The following FOXN3 variants were observed in gnomAD, a reference collection of about 807,000 sequenced individuals.
FOXN3 encodes the protein forkhead box protein N3.
FOXN3 carries 7 observed loss-of-function variants against 38.4 expected under a neutral mutation model. The ratio of observed to expected loss-of-function variants is 0.18; its 90% CI spans 0.10 to 0.34. The LOEUF is 0.34. FOXN3 is among the 10% of genes least tolerant of loss of function. The probability of loss-of-function intolerance (pLI) is 1.00; values close to 1 mark genes in which losing one functional copy is unlikely to be tolerated. For synonymous variants in FOXN3, 230 were observed against 242.2 expected (o/e 0.95, Z 0.47); for missense variants, 456 against 613.4 (o/e 0.74, Z 2.71).
rs912002349 is a variant in FOXN3 at position 89,560,109 on chromosome 14, G to A, written c.-15+58919C>T. Among the ~76,000 whole-genome samples, 30 of 152,140 alleles carry A rather than the reference G, an allele frequency of 2.0e-4. 1 individual carries two copies. The highest frequency in any genetic ancestry group is 1.5e-5 in the Non-Finnish European group (1 of 68,008). The stretch of plus-strand genomic sequence containing the variant: ...CATGCAGGAAGGTGAAGGGGAAGCA[G>A]GCAAAATCTTCACATGGAGAGAGGA... On this transcript the variant is annotated intron_variant, in intron 1 of 6. Coordinates refer to the FOXN3 transcript ENST00000345097.
At chr14:89,205,013 G>T (rs929235900) in intron 4 of FOXN3, among the ~76,000 whole-genome samples, 3 of 142,424 alleles carry the variant, frequency 2.1e-5, no homozygotes, top group African/African-American at 3.1e-5. Context: ...TCTGGTGAGC[G>T]AATGGGAAAT....
Position 89,160,282 on chromosome 14 carries a change from C to T in FOXN3, c.*2132G>A, listed in dbSNP as rs986688834. ...GGTAACAACAGGAGTTTCTGGGCTG[C>T]ATGACGTTGTCTGGTTTCTAAATTC... On this transcript the variant is annotated 3_prime_UTR_variant, in exon 6 of 6. Transcript: ENST00000557258. The T allele has an allele frequency of 7.1e-6, 1 of 140,466 alleles. No individual in the cohort carries two copies. The highest frequency in any genetic ancestry group is 2.6e-5 in the African/African-American group (1 of 37,748). The allele number at this position is 140,466 out of a possible 1,614,324, so 8.7% of individuals were successfully genotyped here.
chr14:89,260,429 A>G (rs1885761666), intron 4 of FOXN3, among the ~76,000 whole-genome samples: 1 of 152,218 alleles, frequency 6.6e-6, no homozygotes, highest in Non-Finnish European at 1.5e-5. Context: ...GCTCCCGGCA[A>G]TCAGCAAGAA....
chr14:89,235,433 G>A (rs1461796518), intron 4 of FOXN3, among the ~76,000 whole-genome samples: 1 of 152,198 alleles, frequency 6.6e-6, no homozygotes, highest in East Asian at 1.9e-4. Context: ...ACCATCAGCC[G>A]TTGTGACCCT....
intron 1 of FOXN3, among the ~76,000 whole-genome samples, chr14:89,538,148 C>T (rs927147197): frequency 6.6e-6 from 1 of 152,176 alleles, no homozygotes; most frequent in Non-Finnish European, 1.5e-5. Context: ...AATCACTTGG[C>T]TAGAGTTAAC....
intron 1 of FOXN3, among the ~76,000 whole-genome samples, chr14:89,564,498 C>T (rs1895310157): frequency 6.6e-6 from 1 of 152,078 alleles, no homozygotes; most frequent in African/African-American, 2.4e-5. Context: ...AATACATGGA[C>T]GGGACTCAGG....
chr14:89,270,620 C>T (rs994067293), intron 4 of FOXN3, among the ~76,000 whole-genome samples: 1 of 152,172 alleles, frequency 6.6e-6, no homozygotes, highest in African/African-American at 2.4e-5. Flanking sequence ...TGGCCAGCTC[C>T]AAGGTCCATA....
intron 1 of FOXN3, among the ~76,000 whole-genome samples, chr14:89,486,229 A>T (rs1893444665): frequency 6.6e-6 from 1 of 152,226 alleles, no homozygotes; most frequent in Admixed American, 6.5e-5. Context: ...GTAAAACATG[A>T]GATTGTGGCA....
At chr14:89,294,345 GC>G (rs1886971986) in intron 3 of FOXN3, among the ~76,000 whole-genome samples, 1 of 152,180 alleles carries the variant, frequency 6.6e-6, no homozygotes, top group Non-Finnish European at 1.5e-5. Flanking sequence ...CACCAGAGCT[GC>G]CCAATGTCAA....
intron 1 of FOXN3, among the ~76,000 whole-genome samples, chr14:89,506,088 G>C (rs1893922662): frequency 7.5e-6 from 1 of 133,660 alleles, no homozygotes. Flanking sequence ...TCAGCCCCCC[G>C]CCCGGCCAGC....
chr14:89,180,867 C>A, intron 4 of FOXN3, 61 bp from the exon 5 acceptor site: 1 of 1,391,616 alleles, frequency 7.2e-7, no homozygotes, highest in South Asian at 1.3e-5. Flanking sequence ...ATTTCCGTTC[C>A]AAGTCAGAAA....
intron 1 of FOXN3, among the ~76,000 whole-genome samples, chr14:89,413,945 AGGG>A: frequency 1.1e-5 from 1 of 93,882 alleles, no homozygotes; most frequent in Non-Finnish European, 2.1e-5. Context: ...GGGGAGGAGA[AGGG>A]GGAGGAGGAG....
At chr14:89,319,942 T>G (rs1409129404) in intron 3 of FOXN3, among the ~76,000 whole-genome samples, 1 of 152,206 alleles carries the variant, frequency 6.6e-6, no homozygotes, top group Non-Finnish European at 1.5e-5. Flanking sequence ...TCCCTTGCCA[T>G]CCAGTAAGAG....
intron 3 of FOXN3, among the ~76,000 whole-genome samples, chr14:89,288,710 CTCTCTCTCTCTCTCTATATATATA>C (rs1886741511): frequency 1.5e-3 from 117 of 75,816 alleles, no homozygotes; most frequent in Non-Finnish European, 1.9e-3. Context: ...CTCTCTCTCT[CTCTCTCTCTCTCTCTATATATATA>C]TATATATATA....
At chr14:89,196,346 A>T (rs1032882688) in intron 4 of FOXN3, among the ~76,000 whole-genome samples, 1 of 152,174 alleles carries the variant, frequency 6.6e-6, no homozygotes, top group East Asian at 1.9e-4. Context: ...TCCTCCGTGG[A>T]CAGGACGGGA....
At chr14:89,222,267 T>G (rs1258320217) in intron 4 of FOXN3, among the ~76,000 whole-genome samples, 2 of 152,134 alleles carry the variant, frequency 1.3e-5, no homozygotes, top group Non-Finnish European at 2.9e-5. Context: ...CAGAGTCAAC[T>G]AAAGCTGGGA....
intron 1 of FOXN3, among the ~76,000 whole-genome samples, chr14:89,457,403 G>A (rs772360706): frequency 2.6e-5 from 4 of 152,168 alleles, no homozygotes; most frequent in Non-Finnish European, 5.9e-5. Context: ...TCCAATGAAT[G>A]CATAGTGGCT....
intron 1 of FOXN3, among the ~76,000 whole-genome samples, chr14:89,508,015 C>A (rs1404213487): frequency 6.6e-6 from 1 of 152,210 alleles, no homozygotes; most frequent in Non-Finnish European, 1.5e-5. Context: ...GACCTGAAAA[C>A]TCCAGGCTCG....
chr14:89,247,439 A>T (rs1260656930), intron 4 of FOXN3, among the ~76,000 whole-genome samples: 3 of 152,210 alleles, frequency 2.0e-5, no homozygotes, highest in African/African-American at 4.8e-5. Context: ...TTTTAAACTT[A>T]ACCTTACTTC....
Sources: gnomAD v4.1 joint callset for allele counts (sites outside exome capture counted in the v4.1 genomes callset) on GRCh38, gnomAD v4.1.1 for gene constraint, MANE v1.5 for transcripts, NCBI Gene and HGNC (gene_info 2026-07-23, HGNC 2026-07-21) for gene names.